The following PCDHA4 variants were observed in gnomAD, a reference collection of about 807,000 sequenced individuals.
PCDHA4 encodes the protein protocadherin alpha 4, also known as protocadherin alpha-4.
Under a neutral mutation model 61.4 loss-of-function variants are expected in PCDHA4, and 49 were observed. The observed-to-expected ratio is 0.80, with a 90% CI of 0.63 to 1.01. The LOEUF is 1.01. Ranked by LOEUF, PCDHA4 falls within the 50% of genes least tolerant of loss-of-function variation. The probability of loss-of-function intolerance (pLI) is 0.00; values close to 1 mark genes in which losing one functional copy is unlikely to be tolerated. For synonymous variants in PCDHA4, 590 were observed against 550.3 expected, an observed-to-expected ratio of 1.07 and a Z score of -1.01; for missense variants, 1,254 against 1,235.8, an observed-to-expected ratio of 1.01 and a Z score of -0.22.
At chr5:140,841,793 T>C in intron 1 of PCDHA4, 1 of 1,613,848 alleles carries the variant, frequency 6.2e-7, no homozygotes, top group Non-Finnish European at 8.5e-7. Context: ...AGAGGGCGCG[T>C]CCGATGCAGA....
rs145968482 is a variant in PCDHA4, at chr5:140,977,336, C to G, written c.2386-1613C>G. Among the ~76,000 whole-genome samples, 133 of 152,262 alleles carry G rather than the reference C, an allele frequency of 8.7e-4. 2 individuals carry two copies. The highest frequency in any genetic ancestry group is 3.9e-4 in the East Asian group (2 of 5,188). On this transcript the variant is annotated intron_variant, in intron 1 of 3. Coordinates refer to ENST00000530339, the MANE Select transcript of PCDHA4 (RefSeq NM_018907.4). Reference sequence around the variant, plus strand: ...GTGCTCCTGATGGCGAGGGGAGAGACGGTGATGATGACTGATTGATAAAAA... The same window carrying G: ...GTGCTCCTGATGGCGAGGGGAGAGAGGGTGATGATGACTGATTGATAAAAA...
intron 1 of PCDHA4, chr5:140,854,257 T>C (rs189442319): frequency 3.3e-6 from 2 of 609,080 alleles, no homozygotes; most frequent in Non-Finnish European, 4.1e-6. Flanking sequence ...TGGTATAAAA[T>C]GTACATTAGT....
intron 1 of PCDHA4, chr5:140,929,216 A>G: frequency 6.2e-7 from 1 of 1,614,100 alleles, no homozygotes; most frequent in Non-Finnish European, 8.5e-7. Flanking sequence ...CGTGGGGAGT[A>G]CAATGCTGCC....
Position 140,959,507 on chromosome 5 carries a change from T to C in PCDHA4, c.2386-19442T>C, listed in dbSNP as rs144994756. 4.4e-3 allele frequency among the ~76,000 whole-genome samples: 673 copies of C among 152,282 alleles called. 7 individuals are homozygous for C. Among genetic ancestry groups the C allele is most frequent in the African/African-American group, 0.015 (604 of 41,550 alleles). On this transcript the variant is annotated intron_variant, in intron 1 of 3. Coordinates refer to ENST00000530339, the MANE Select transcript of PCDHA4 (RefSeq NM_018907.4). Reference sequence around the variant, plus strand: ...GTTATATATGGATCAAACTAAAAAATTTTAAGATCTTTAAGACCATTAATT... The same window carrying C: ...GTTATATATGGATCAAACTAAAAAACTTTAAGATCTTTAAGACCATTAATT...
At chr5:140,904,110 T>C (rs556511949) in intron 1 of PCDHA4, among the ~76,000 whole-genome samples, 2 of 152,218 alleles carry the variant, frequency 1.3e-5, no homozygotes, top group Non-Finnish European at 2.9e-5. Context: ...TGGTCATTGC[T>C]GAGATTTTGG....
chr5:140,883,972 C>T (rs781784485), intron 1 of PCDHA4: 2 of 1,612,972 alleles, frequency 1.2e-6, no homozygotes, highest in Non-Finnish European at 8.5e-7. Context: ...TGCTGACGCC[C>T]GGGGCTGGCA....
At chr5:140,905,594 G>A (rs62384488) in intron 1 of PCDHA4, among the ~76,000 whole-genome samples, 48,024 of 151,986 alleles carry the variant, frequency 0.32, 7,949 homozygotes, top group East Asian at 0.53. Flanking sequence ...ATTTTGCTGG[G>A]AATTGCATTG....
rs782355919 is a variant in PCDHA4 at position 140,809,254 on chromosome 5, C to T, written c.2067C>T (p.Pro689=). ...GGGCGTTGGTGGGCGCTGTGGGTCCCGATGCTGCGCTGGTGGATGTCAACG... is the reference window on the plus strand; with the variant it reads ...GGGCGTTGGTGGGCGCTGTGGGTCCTGATGCTGCGCTGGTGGATGTCAACG... ...SSRALVGAVG[P]DAALVDVNVY... The change falls in exon 1 of 4, where the codon CCC becomes CCT. Residue 689 remains proline, a synonymous_variant. Transcript: ENST00000530339. 2.5e-6 allele frequency: 4 copies of T among 1,613,946 alleles called. No individual in the cohort carries two copies. The highest frequency in any genetic ancestry group is 2.2e-5 in the South Asian group (2 of 91,096).
chr5:140,927,894 C>T (rs372774238), intron 1 of PCDHA4: 2 of 1,614,208 alleles, frequency 1.2e-6, no homozygotes, highest in South Asian at 2.2e-5. Context: ...CTGACGTGAA[C>T]GATCATGCCC....
At chr5:141,001,473 G>A (rs1172395730) in intron 3 of PCDHA4, among the ~76,000 whole-genome samples, 1 of 152,220 alleles carries the variant, frequency 6.6e-6, no homozygotes, top group African/African-American at 2.4e-5. Flanking sequence ...AAGCAGCAGC[G>A]GGGAAGTGCT....
chr5:140,825,576 C>G lies in PCDHA4; in HGVS notation c.2385+16004C>G, dbSNP rs1028735086. 7.2e-5 allele frequency: 11 copies of G among 151,850 alleles called. No individual in the cohort carries two copies. In the East Asian group the frequency reaches 2.1e-3, roughly 29 times the overall value. 9.4% of individuals were successfully genotyped at this position (151,850 alleles called of 1,614,324 possible). A position where few individuals can be genotyped will look rare whatever the true frequency, so the allele number is the denominator to read the frequency against. On this transcript the variant is annotated intron_variant, in intron 1 of 3. Transcript: ENST00000530339. Reference sequence around the variant, plus strand: ...AGTAGCTGGGATTACAGGCATGTGCCCACACCTGGCTAATTTTTTGTATTT... The same window carrying G: ...AGTAGCTGGGATTACAGGCATGTGCGCACACCTGGCTAATTTTTTGTATTT...
intron 1 of PCDHA4, chr5:140,858,154 C>G (rs781842183): frequency 1.3e-6 from 2 of 1,597,814 alleles, no homozygotes; most frequent in African/African-American, 1.3e-5. Context: ...TCATCGCCAT[C>G]TGCGCGGTGT....
intron 1 of PCDHA4, chr5:140,834,141 GT>G (rs1772814209): frequency 2.0e-6 from 1 of 506,492 alleles, no homozygotes; most frequent in Non-Finnish European, 3.5e-6. Flanking sequence ...CTGATTAATA[GT>G]TTGTAATGGT....
At position 140,823,245 on chromosome 5, in the gene PCDHA4, C is replaced by T. The variant is rs2150123911; in HGVS notation, c.2385+13673C>T. 8 of 1,613,492 alleles carry T rather than the reference C, an allele frequency of 5.0e-6. No individual in the cohort carries two copies. The Admixed American group carries it at 8.3e-5, about 17-fold the overall frequency. On this transcript the variant is annotated intron_variant, in intron 1 of 3. Transcript: ENST00000530339. Reference sequence around the variant, plus strand: ...ACGCGCAGGAGAACGCCCTGGTGTCCTACTCGCTGGTGGAGCGGCGGGTGG... The same window carrying T: ...ACGCGCAGGAGAACGCCCTGGTGTCTTACTCGCTGGTGGAGCGGCGGGTGG...
At chr5:140,837,131 A>G (rs1181780684) in intron 1 of PCDHA4, 1 of 155,420 alleles carries the variant, frequency 6.4e-6, no homozygotes, top group African/African-American at 2.4e-5. Flanking sequence ...ATTTTATTCT[A>G]TGTATTGTCC....
chr5:140,953,963 G>A lies in PCDHA4; in HGVS notation c.2386-24986G>A, dbSNP rs193094168. ...CATTGCTCCCCCAACAGGCCCCAGT[G>A]TGTGTTGTTCCCCTTCATATTTTCA... On this transcript the variant is annotated intron_variant, in intron 1 of 3. Transcript: ENST00000530339. Among the ~76,000 whole-genome samples the A allele has an allele frequency of 2.1e-3, 322 of 152,136 alleles. 11 individuals carry two copies. Among genetic ancestry groups the A allele is most frequent in the Admixed American group, 0.021 (314 of 15,274 alleles).
chr5:140,850,523 A>G (rs2150487907), intron 1 of PCDHA4: 1 of 1,598,226 alleles, frequency 6.3e-7, no homozygotes, highest in Non-Finnish European at 8.6e-7. Flanking sequence ...GCCAGGCGCC[A>G]AAGTCATCGT....
At chr5:140,967,970 C>T (rs2096204544) in intron 1 of PCDHA4, 2 of 1,614,202 alleles carry the variant, frequency 1.2e-6, no homozygotes, top group South Asian at 2.2e-5. Context: ...GAAAGTGAGC[C>T]TGGGTCTGGA....
intron 1 of PCDHA4, chr5:140,823,338 G>A (rs149205606): frequency 1.2e-6 from 2 of 1,612,230 alleles, no homozygotes; most frequent in Non-Finnish European, 1.7e-6. Context: ...CGCTGCAGCC[G>A]CTGGACCACG....
Sources: gnomAD v4.1 joint callset for allele counts (sites outside exome capture counted in the v4.1 genomes callset) on GRCh38, gnomAD v4.1.1 for gene constraint, MANE v1.5 for transcripts, NCBI Gene and HGNC (gene_info 2026-07-23, HGNC 2026-07-21) for gene names.